Variants in FSTL5 observed in about 807,000 individuals in gnomAD.
The protein encoded by FSTL5 is follistatin-related protein 5.
In FSTL5, 62 loss-of-function variants were observed where a neutral mutation model predicts 89.1. That is an observed-to-expected ratio of 0.70 (90% confidence interval 0.57 to 0.86). The LOEUF (loss-of-function observed/expected upper bound fraction) is 0.86, where lower values mean the gene tolerates loss of function less well. FSTL5 is among the 40% of genes least tolerant of loss of function. The pLI is 0.00. For synonymous variants in FSTL5, 383 were observed against 346.2 expected (o/e 1.11, Z -1.18); for missense variants, 1,057 against 1,001.6 (o/e 1.06, Z -0.75).
intron 8 of FSTL5, among the ~76,000 whole-genome samples, chr4:161,562,581 AT>A: frequency 6.6e-6 from 1 of 150,822 alleles, no homozygotes. Flanking sequence ...TTAATTACCT[AT>A]TTTTTGATAC....
chr4:161,394,011 T>C (rs1004666739), intron 15 of FSTL5, among the ~76,000 whole-genome samples: 1 of 151,976 alleles, frequency 6.6e-6, no homozygotes, highest in East Asian at 1.9e-4. Flanking sequence ...AGTCACAGAG[T>C]TCCTTAGCTA....
intron 2 of FSTL5, among the ~76,000 whole-genome samples, chr4:162,069,060 C>T (rs1258213153): frequency 2.0e-5 from 3 of 151,898 alleles, no homozygotes; most frequent in African/African-American, 7.2e-5. Context: ...GCTGGTGATG[C>T]TGTGGAAAAA....
At chr4:161,412,484 A>C (rs1731627024) in intron 15 of FSTL5, among the ~76,000 whole-genome samples, 1 of 151,876 alleles carries the variant, frequency 6.6e-6, no homozygotes, top group African/African-American at 2.4e-5. Flanking sequence ...GGAACATCAC[A>C]CACTGGGGCC....
At chr4:161,831,097 G>A (rs1392897551) in intron 4 of FSTL5, among the ~76,000 whole-genome samples, 2 of 151,776 alleles carry the variant, frequency 1.3e-5, no homozygotes, top group Non-Finnish European at 2.9e-5. Flanking sequence ...ATAAATCATA[G>A]CTGCTCTTGC....
chr4:161,434,906 C>A (rs918650614), intron 15 of FSTL5, among the ~76,000 whole-genome samples: 5 of 151,892 alleles, frequency 3.3e-5, no homozygotes, highest in African/African-American at 1.2e-4. Flanking sequence ...GGCTTTTATT[C>A]AAAAGACAGG....
intron 3 of FSTL5, among the ~76,000 whole-genome samples, chr4:161,993,404 G>A (rs2111084653): frequency 6.6e-6 from 1 of 152,070 alleles, no homozygotes; most frequent in South Asian, 2.1e-4. Flanking sequence ...GAATATAATA[G>A]TTTAGTGGAA....
At chr4:161,985,770 G>C (rs932561461) in intron 3 of FSTL5, among the ~76,000 whole-genome samples, 4 of 151,652 alleles carry the variant, frequency 2.6e-5, no homozygotes, top group African/African-American at 7.3e-5. Context: ...AATTACATAA[G>C]GGAAAGTTGA....
At chr4:161,721,188 G>A (rs977867575) in intron 6 of FSTL5, among the ~76,000 whole-genome samples, 5 of 149,652 alleles carry the variant, frequency 3.3e-5, no homozygotes, top group Admixed American at 2.0e-4. Flanking sequence ...TGAGGCAGGA[G>A]AATGGCGTGA....
At chr4:161,858,172 G>A (rs77882963) in intron 4 of FSTL5, among the ~76,000 whole-genome samples, 5 of 152,092 alleles carry the variant, frequency 3.3e-5, no homozygotes, top group African/African-American at 4.8e-5. Flanking sequence ...CTTCCACCAC[G>A]TGAGGATAAA....
At chr4:162,109,404 G>A (rs1156893907) in intron 2 of FSTL5, among the ~76,000 whole-genome samples, 4 of 151,972 alleles carry the variant, frequency 2.6e-5, no homozygotes, top group African/African-American at 7.2e-5. Flanking sequence ...TCTGCTCAAA[G>A]TTGTTTGAAA....
intron 4 of FSTL5, among the ~76,000 whole-genome samples, chr4:161,899,500 G>A (rs1471350394): frequency 6.6e-6 from 1 of 152,134 alleles, no homozygotes; most frequent in South Asian, 2.1e-4. Flanking sequence ...TCATCAAAAG[G>A]CCTACAGTTC....
At chr4:161,861,903 T>C (rs1731928902) in intron 4 of FSTL5, among the ~76,000 whole-genome samples, 1 of 152,216 alleles carries the variant, frequency 6.6e-6, no homozygotes, top group Admixed American at 6.5e-5. Flanking sequence ...CAAATTTAGT[T>C]CATTCCATCT....
At chr4:162,151,622 G>A (rs1293919411) in intron 1 of FSTL5, among the ~76,000 whole-genome samples, 1 of 152,100 alleles carries the variant, frequency 6.6e-6, no homozygotes, top group Non-Finnish European at 1.5e-5. Context: ...TGGATCAAGA[G>A]CCCAGTGTTA....
intron 4 of FSTL5, among the ~76,000 whole-genome samples, chr4:161,903,179 G>C (rs1733420833): frequency 6.6e-6 from 1 of 151,660 alleles, no homozygotes; most frequent in African/African-American, 2.4e-5. Context: ...TTTTCAGCTA[G>C]GGTTATTAAG....
intron 12 of FSTL5, among the ~76,000 whole-genome samples, chr4:161,483,360 C>T (rs1303352125): frequency 6.6e-6 from 1 of 152,162 alleles, no homozygotes; most frequent in African/African-American, 2.4e-5. Flanking sequence ...GTAAAACCTG[C>T]CAAAGTAATG....
intron 1 of FSTL5, among the ~76,000 whole-genome samples, chr4:162,157,517 G>C (rs201571015): frequency 6.6e-6 from 1 of 151,878 alleles, no homozygotes; most frequent in East Asian, 1.9e-4. Context: ...AGACTTCCTA[G>C]GGCTCCACAG....
intron 10 of FSTL5, among the ~76,000 whole-genome samples, chr4:161,531,441 C>CA (rs1378590493): frequency 4.6e-5 from 7 of 152,250 alleles, no homozygotes; most frequent in African/African-American, 1.4e-4. Context: ...TATTTACCCC[C>CA]AAAGTTACAA....
rs112345348 is a variant in FSTL5, at chr4:162,058,479, T to C, written c.127-24821A>G. On this transcript the variant is annotated intron_variant, in intron 2 of 15. Transcript: ENST00000306100. ...TCTCGCTCTGTCCCCCAGGCTAGAGTGCAGAGGCATGATCTCAGCTCACTG... is the reference window on the plus strand; with the variant it reads ...TCTCGCTCTGTCCCCCAGGCTAGAGCGCAGAGGCATGATCTCAGCTCACTG... 2.2e-3 allele frequency among the ~76,000 whole-genome samples: 312 copies of C among 141,176 alleles called. 2 individuals carry two copies. Among genetic ancestry groups the C allele is most frequent in the African/African-American group, 7.7e-3 (283 of 36,876 alleles). 92.6% of individuals were successfully genotyped at this position (141,176 alleles called of 152,430 possible). A position where few individuals can be genotyped will look rare whatever the true frequency, so the allele number is the denominator to read the frequency against.
intron 6 of FSTL5, among the ~76,000 whole-genome samples, chr4:161,662,828 G>A (rs994576069): frequency 3.3e-5 from 5 of 152,076 alleles, no homozygotes; most frequent in Non-Finnish European, 5.9e-5. Flanking sequence ...CCATTTTCAC[G>A]CTGATGATAA....
Sources: allele counts gnomAD v4.1 joint callset (sites outside exome capture counted in the v4.1 genomes callset), GRCh38; gene constraint gnomAD v4.1.1; transcripts MANE v1.5; gene names NCBI Gene and HGNC (gene_info 2026-07-23, HGNC 2026-07-21).